Variants in DOCK9 observed in about 807,000 individuals in gnomAD.
DOCK9 encodes the protein dedicator of cytokinesis protein 9.
Under a neutral mutation model 263.3 loss-of-function variants are expected in DOCK9, and 89 were observed. That is an observed-to-expected ratio of 0.34 (90% confidence interval 0.28 to 0.40). The LOEUF (loss-of-function observed/expected upper bound fraction) is 0.40. DOCK9 is among the 10% of genes least tolerant of loss of function. The pLI is 1.00. For synonymous variants in DOCK9, 976 were observed against 973.1 expected (o/e 1.00, Z -0.06); for missense variants, 2,140 against 2,603.4 (o/e 0.82, Z 3.87).
chr13:98,854,014 G>A (rs2093638579), intron 34 of DOCK9, among the ~76,000 whole-genome samples: 1 of 152,110 alleles, frequency 6.6e-6, no homozygotes, highest in Non-Finnish European at 1.5e-5. Context: ...CATCACCCAG[G>A]GTGCATTATG....
chr13:98,998,621 T>C, intron 1 of DOCK9, among the ~76,000 whole-genome samples: 1 of 152,100 alleles, frequency 6.6e-6, no homozygotes, highest in Non-Finnish European at 1.5e-5. Flanking sequence ...CCTACCCACC[T>C]GGCCTCTTCC....
chr13:99,020,121 A>G (rs957335046), intron 1 of DOCK9, among the ~76,000 whole-genome samples: 1 of 152,186 alleles, frequency 6.6e-6, no homozygotes, highest in South Asian at 2.1e-4. Context: ...AAAAAATTTA[A>G]GAATGAGGGT....
intron 45 of DOCK9, among the ~76,000 whole-genome samples, chr13:98,815,963 T>C (rs1335408281): frequency 6.6e-6 from 1 of 152,144 alleles, no homozygotes; most frequent in Non-Finnish European, 1.5e-5. Flanking sequence ...TTTAATGCAA[T>C]CTCATTAAAA....
chr13:99,081,659 T>C (rs565317462), intron 1 of DOCK9, among the ~76,000 whole-genome samples: 1 of 152,320 alleles, frequency 6.6e-6, no homozygotes, highest in South Asian at 2.1e-4. Context: ...ATACATCCTC[T>C]TAGATCTAGG....
At position 98,901,890 on chromosome 13, in the gene DOCK9, G is replaced by A. The variant is rs1380747131; in HGVS notation, c.1391C>T (p.Ser464Leu). 6.2e-7 allele frequency: 1 copy of A among 1,612,114 alleles called. No individual in the cohort carries two copies. Among genetic ancestry groups the A allele is most frequent in the Non-Finnish European group, 8.5e-7 (1 of 1,179,094 alleles). ...AMQYPKQGIF[S>L]VTCPHPDIFL... ...TATATCTGGATGAGGACAAGTGACTGAAAATATTCCCTAGGAGGCAAACAA... is the reference window on the plus strand; with the variant it reads ...TATATCTGGATGAGGACAAGTGACTAAAAATATTCCCTAGGAGGCAAACAA... Residue 464 changes from serine (S) to leucine (L), a missense_variant, in exon 13 of 53, where the codon TCA (serine) becomes TTA (leucine). Around this residue, in one of 2 missense-constraint regions of DOCK9, gnomAD observed 1,521 missense variants for 1,741.7 expected, o/e 0.87. Transcript: ENST00000682017.
intron 7 of DOCK9, among the ~76,000 whole-genome samples, chr13:98,920,732 G>A (rs1226698621): frequency 1.3e-5 from 2 of 152,190 alleles, no homozygotes; most frequent in South Asian, 2.1e-4. Flanking sequence ...TAAAGTGGCC[G>A]AGCCAGAGTG....
At chr13:98,987,741 T>C (rs1878798092) in intron 1 of DOCK9, among the ~76,000 whole-genome samples, 1 of 152,248 alleles carries the variant, frequency 6.6e-6, no homozygotes, top group Non-Finnish European at 1.5e-5. Context: ...AAATAGCTTA[T>C]CAAAAGTTCA....
At chr13:99,030,760 A>C (rs1017045443) in intron 1 of DOCK9, among the ~76,000 whole-genome samples, 3 of 152,210 alleles carry the variant, frequency 2.0e-5, no homozygotes, top group Non-Finnish European at 4.4e-5. Context: ...CATCACTGAA[A>C]TTGTGCTTGA....
rs1881993788 is a variant in DOCK9, at chr13:99,000,142, A to G, written c.130-44591T>C. 2.0e-5 allele frequency among the ~76,000 whole-genome samples: 3 copies of G among 152,154 alleles called. 1 individual carries two copies. The highest frequency in any genetic ancestry group is 2.0e-4 in the Admixed American group (3 of 15,280). On this transcript the variant is annotated intron_variant, in intron 1 of 32. Transcript: ENST00000427887. The stretch of plus-strand genomic sequence containing the variant: ...ACCTGATCTGATTCTGGGATCTGGG[A>G]GAAAATACACGCAGAAGGGGCTCCT...
At chr13:98,931,682 C>A (rs1342353295) in intron 2 of DOCK9, among the ~76,000 whole-genome samples, 1 of 152,164 alleles carries the variant, frequency 6.6e-6, no homozygotes, top group Non-Finnish European at 1.5e-5. Context: ...ACTGCAACCT[C>A]TGCCTCCCAA....
chr13:98,818,082 C>T (rs2092020378), intron 45 of DOCK9, among the ~76,000 whole-genome samples: 2 of 152,230 alleles, frequency 1.3e-5, no homozygotes, highest in South Asian at 4.2e-4. Flanking sequence ...ACAGATTTTA[C>T]CCAATAACAA....
intron 21 of DOCK9, among the ~76,000 whole-genome samples, chr13:98,884,116 G>C (rs2045299649): frequency 6.6e-6 from 1 of 152,148 alleles, no homozygotes; most frequent in Non-Finnish European, 1.5e-5. Context: ...GATTTTCTAA[G>C]TTATCTTTTC....
At chr13:98,820,401 G>A (rs2092194164) in intron 45 of DOCK9, among the ~76,000 whole-genome samples, 1 of 152,176 alleles carries the variant, frequency 6.6e-6, no homozygotes, top group Admixed American at 6.5e-5. Context: ...GCCTGTTCAT[G>A]GTGTTACAGG....
At chr13:98,988,525 G>C (rs142973675) in intron 1 of DOCK9, among the ~76,000 whole-genome samples, 4,214 of 152,266 alleles carry the variant, frequency 0.028, 95 homozygotes, top group South Asian at 0.063. Context: ...TCACGTGGCA[G>C]AACTACTTTA....
intron 50 of DOCK9, among the ~76,000 whole-genome samples, chr13:98,798,258 G>A (rs554483212): frequency 4.6e-5 from 7 of 152,292 alleles, no homozygotes; most frequent in East Asian, 1.9e-4. Context: ...GATATTTCCC[G>A]GAAGGTCTGG....
intron 27 of DOCK9, among the ~76,000 whole-genome samples, chr13:98,871,096 T>C (rs1341461122): frequency 6.6e-6 from 1 of 152,166 alleles, no homozygotes; most frequent in Non-Finnish European, 1.5e-5. Flanking sequence ...ATAAAGACGT[T>C]TTGCTAATTT....
intron 3 of DOCK9, 47 bp from the exon 4 acceptor site, chr13:98,925,966 G>A (rs373229986): frequency 8.4e-6 from 12 of 1,434,138 alleles, no homozygotes; most frequent in South Asian, 2.7e-5. Context: ...ACAGAAAGAC[G>A]TGATTTTTGG....
At position 98,843,550 on chromosome 13, in the gene DOCK9, G is replaced by A. The variant is rs1566684712; in HGVS notation, c.4198+2374C>T. Among the ~76,000 whole-genome samples, 4 of 152,200 alleles carry A rather than the reference G, an allele frequency of 2.6e-5. No homozygotes were observed. In the East Asian group the frequency reaches 7.7e-4, roughly 29 times the overall value. On this transcript the variant is annotated intron_variant, in intron 38 of 52. Transcript: ENST00000682017. ...TTCTAGGAGTTGCAACAACTTAGGAGATAACAGAACCAATTCGGAATGAGC... is the reference window on the plus strand; with the variant it reads ...TTCTAGGAGTTGCAACAACTTAGGAAATAACAGAACCAATTCGGAATGAGC...
At chr13:98,937,713 CTTTT>C (rs34325473) in intron 2 of DOCK9, among the ~76,000 whole-genome samples, 12 of 146,298 alleles carry the variant, frequency 8.2e-5, no homozygotes, top group South Asian at 2.1e-4. Flanking sequence ...TTTTGTTTTG[CTTTT>C]TTTTTTTTTT....
Sources: gnomAD v4.1 joint callset for allele counts (sites outside exome capture counted in the v4.1 genomes callset) on GRCh38, gnomAD v4.1.1 for gene constraint, gnomAD v4.1.1 regional missense constraint, MANE v1.5 for transcripts, NCBI Gene and HGNC (gene_info 2026-07-23, HGNC 2026-07-21) for gene names.